MAP2K6: variants seen among roughly 807,000 people sequenced by gnomAD.
The protein encoded by MAP2K6 is mitogen-activated protein kinase kinase 6, also known as dual specificity mitogen-activated protein kinase kinase 6.
A neutral mutation model predicts 53.7 loss-of-function variants in MAP2K6; 16 were observed. That is an observed-to-expected ratio of 0.30 (90% CI 0.20 to 0.45). MAP2K6 has a LOEUF of 0.45. Ranked by LOEUF, MAP2K6 falls within the 20% of genes least tolerant of loss-of-function variation. The probability of loss-of-function intolerance (pLI) is 1.00; values close to 1 mark genes in which losing one functional copy is unlikely to be tolerated. For synonymous variants in MAP2K6, 132 were observed against 143.1 expected (o/e 0.92, Z 0.55); for missense variants, 204 against 411.9 (o/e 0.50, Z 4.37).
chr17:69,522,998 C>G (rs1301475444), intron 7 of MAP2K6, among the ~76,000 whole-genome samples: 1 of 152,028 alleles, frequency 6.6e-6, no homozygotes, highest in Non-Finnish European at 1.5e-5. Context: ...GAGTTTGAGG[C>G]TGCAGTGAGC....
At chr17:69,429,136 A>G (rs1042164359) in intron 1 of MAP2K6, among the ~76,000 whole-genome samples, 3 of 151,970 alleles carry the variant, frequency 2.0e-5, no homozygotes, top group Non-Finnish European at 2.9e-5. Flanking sequence ...ACTGGGACAA[A>G]GTTTCAGAGG....
chr17:69,522,584 C>A (rs1034797118), intron 7 of MAP2K6, among the ~76,000 whole-genome samples: 1 of 152,010 alleles, frequency 6.6e-6, no homozygotes, highest in Admixed American at 6.6e-5. Flanking sequence ...AATCGTAGTT[C>A]CATTTTTTGG....
intron 1 of MAP2K6, among the ~76,000 whole-genome samples, chr17:69,428,398 A>G (rs1435472440): frequency 1.3e-5 from 2 of 152,186 alleles, no homozygotes; most frequent in East Asian, 1.9e-4. Flanking sequence ...TCATGTTCAC[A>G]TGGCATTCTG....
At chr17:69,480,907 T>G (rs1314166427) in intron 1 of MAP2K6, among the ~76,000 whole-genome samples, 5 of 142,858 alleles carry the variant, frequency 3.5e-5, no homozygotes, top group Non-Finnish European at 6.0e-5. Flanking sequence ...GAAAACAATG[T>G]TAGCATCTAA....
chr17:69,525,568 A>G (rs575759927), intron 9 of MAP2K6, among the ~76,000 whole-genome samples: 8 of 152,334 alleles, frequency 5.3e-5, no homozygotes, highest in Non-Finnish European at 1.2e-4. Flanking sequence ...CCTCACGATC[A>G]TGGCGGAAGG....
At chr17:69,541,209 G>T (rs934486035) in intron 11 of MAP2K6, among the ~76,000 whole-genome samples, 4 of 152,174 alleles carry the variant, frequency 2.6e-5, no homozygotes, top group Non-Finnish European at 1.5e-5. Flanking sequence ...TTTGCAGTGA[G>T]CCAAGATCGC....
chr17:69,474,428 T>A (rs1908072633), intron 1 of MAP2K6, among the ~76,000 whole-genome samples: 1 of 152,242 alleles, frequency 6.6e-6, no homozygotes. Flanking sequence ...ACTTTTTGAC[T>A]GAGGTGGCTG....
At position 69,519,551 on chromosome 17, in the gene MAP2K6, G is replaced by A. The variant is rs61758048; in HGVS notation, c.366+119G>A. The A allele has an allele frequency of 5.0e-4, 622 of 1,247,686 alleles. 3 individuals are homozygous for A. The African/African-American group carries it at 8.3e-3, about 17-fold the overall frequency. The allele number at this position is 1,247,686 out of a possible 1,614,324, so 77.3% of individuals were successfully genotyped here. ...TTCTTGTTTGACACATCTTGTATAC[G>A]GGGGTTTACGTGTGTGCAATGATGA... On this transcript the variant is annotated intron_variant, in intron 5 of 11. Transcript: ENST00000590474.
At chr17:69,476,873 C>T (rs559018250) in intron 1 of MAP2K6, among the ~76,000 whole-genome samples, 233 of 152,288 alleles carry the variant, frequency 1.5e-3, no homozygotes, top group African/African-American at 4.3e-3. Flanking sequence ...GCCCACAATA[C>T]CGAGCCCACA....
At chr17:69,529,700 C>A (rs1323286468) in intron 10 of MAP2K6, among the ~76,000 whole-genome samples, 1 of 151,874 alleles carries the variant, frequency 6.6e-6, no homozygotes, top group Non-Finnish European at 1.5e-5. Flanking sequence ...TTAGTAAAGA[C>A]GGGGTTTCAC....
rs909792481 is a variant in MAP2K6 at position 69,543,258 on chromosome 17, T to G, written c.*1505T>G. 6.6e-6 allele frequency: 1 copy of G among 152,144 alleles called. No individual in the cohort carries two copies. The highest frequency in any genetic ancestry group is 6.6e-5 in the Admixed American group (1 of 15,266). The allele number at this position is 152,144 out of a possible 1,614,324, so 9.4% of individuals were successfully genotyped here. A position where few individuals can be genotyped will look rare whatever the true frequency, so the allele number is the denominator to read the frequency against. ...TAAAAAGAAGAAAAAAAAACCTTAT[T>G]TTTTCTTTCTTGGCCTCAAGTTCAA... On this transcript the variant is annotated 3_prime_UTR_variant, in exon 12 of 12. Transcript: ENST00000590474.
At chr17:69,452,501 T>C (rs1217978849) in intron 1 of MAP2K6, among the ~76,000 whole-genome samples, 1 of 152,168 alleles carries the variant, frequency 6.6e-6, no homozygotes, top group Admixed American at 6.5e-5. Context: ...TATCACATTG[T>C]TTTTAAAGCC....
chr17:69,425,554 G>A (rs370603878), intron 1 of MAP2K6, among the ~76,000 whole-genome samples: 44 of 152,046 alleles, frequency 2.9e-4, no homozygotes, highest in African/African-American at 1.0e-3. Flanking sequence ...CTCATGATTC[G>A]CCCGCCTCGG....
intron 2 of MAP2K6, among the ~76,000 whole-genome samples, chr17:69,508,599 G>C (rs533173199): frequency 6.6e-6 from 1 of 152,140 alleles, no homozygotes; most frequent in African/African-American, 2.4e-5. Flanking sequence ...TTTGTAATTT[G>C]TCTTTTTATG....
At chr17:69,420,139 G>A (rs2145125356) in intron 1 of MAP2K6, among the ~76,000 whole-genome samples, 1 of 152,096 alleles carries the variant, frequency 6.6e-6, no homozygotes. Context: ...TAGCTATCCA[G>A]ACCTATATGA....
At chr17:69,430,097 T>G (rs1419189643) in intron 1 of MAP2K6, among the ~76,000 whole-genome samples, 1 of 151,726 alleles carries the variant, frequency 6.6e-6, no homozygotes, top group African/African-American at 2.4e-5. Flanking sequence ...GAGGCTGAGG[T>G]GGGTGAGTCA....
chr17:69,521,005 T>C (rs2145259752), intron 6 of MAP2K6, 44 bp from the exon 7 acceptor site: 1 of 1,474,398 alleles, frequency 6.8e-7, no homozygotes, highest in Non-Finnish European at 9.4e-7. Flanking sequence ...TCAATTTCTT[T>C]CCAGCAATGT....
At chr17:69,439,103 C>G (rs1036899308) in intron 1 of MAP2K6, among the ~76,000 whole-genome samples, 6 of 152,182 alleles carry the variant, frequency 3.9e-5, no homozygotes, top group Non-Finnish European at 5.9e-5. Flanking sequence ...CTTTAAAGAA[C>G]ATATTTGCTG....
At chr17:69,521,226 G>A in intron 7 of MAP2K6, 126 bp downstream of exon 7, 1 of 714,186 alleles carries the variant, frequency 1.4e-6, no homozygotes, top group East Asian at 2.7e-5. Context: ...GAACTAAGGG[G>A]CTTTCCTTTG....
Sources: gnomAD v4.1 joint callset for allele counts (sites outside exome capture counted in the v4.1 genomes callset) on GRCh38, gnomAD v4.1.1 for gene constraint, MANE v1.5 for transcripts, NCBI Gene and HGNC (gene_info 2026-07-23, HGNC 2026-07-21) for gene names.